The following FCRL1 variants were observed in gnomAD, a reference collection of about 807,000 sequenced individuals.
FCRL1 encodes Fc receptor like 1, also known as Fc receptor-like protein 1.
Under a neutral mutation model 49.2 loss-of-function variants are expected in FCRL1, and 34 were observed. That is an observed-to-expected ratio of 0.69 (90% CI 0.53 to 0.92). The LOEUF is 0.92. FCRL1 is among the 40% of genes least tolerant of loss of function. The pLI is 0.00. For missense variants in FCRL1, 524 were observed against 524.1 expected, an observed-to-expected ratio of 1.00 and a Z score of 0.00; for synonymous variants, 218 against 201.6, an observed-to-expected ratio of 1.08 and a Z score of -0.69.
intron 1 of FCRL1, among the ~76,000 whole-genome samples, chr1:157,816,893 A>G (rs1253857528): frequency 6.6e-6 from 1 of 151,852 alleles, no homozygotes; most frequent in Non-Finnish European, 1.5e-5. Context: ...AATTAAGAAA[A>G]CAATCCCATT....
chr1:157,802,558 G>A lies in FCRL1; in HGVS notation c.426C>T (p.Asp142=), dbSNP rs752948168. ...CCCCTTTGTACCAAAGGAAGGTGAT[G>A]TCTCCTGTGCCCATAGCAACTGAGC... ...LICSVAMGTG[D]ITFLWYKGAV... Residue 142 remains aspartate, a synonymous_variant, in exon 4 of 11, where the codon GAC becomes GAT. Transcript: ENST00000368176. 39 of 1,614,076 alleles carry A rather than the reference G, an allele frequency of 2.4e-5. 1 individual carries two copies. The Admixed American group carries it at 6.3e-4, about 26-fold the overall frequency.
chr1:157,819,862 C>A (rs1291646655), intron 1 of FCRL1, 145 bp downstream of exon 1: 1 of 902,678 alleles, frequency 1.1e-6, no homozygotes, highest in Admixed American at 2.3e-5. Flanking sequence ...TTGCCTGACT[C>A]TGAGCCCTCC....
intron 6 of FCRL1, among the ~76,000 whole-genome samples, chr1:157,801,244 G>A (rs948415423): frequency 6.6e-6 from 1 of 152,196 alleles, no homozygotes; most frequent in South Asian, 2.1e-4. Flanking sequence ...AATATCACTC[G>A]AACCTCAACT....
Position 157,798,160 on chromosome 1 carries a change from C to T in FCRL1, c.1114+1G>A, listed in dbSNP as rs201462804. On this transcript the variant is annotated splice_donor_variant, in intron 8 of 10. Transcript: ENST00000368176. LOFTEE classifies it high-confidence loss of function. ...GGCCTGGGCCATTTGGGAAGGCTCA[C>T]CATTTTCATATATAGGCTGTAGCTG... 2 of 1,610,596 alleles carry T rather than the reference C, an allele frequency of 1.2e-6. No homozygotes were observed. Among genetic ancestry groups the T allele is most frequent in the Non-Finnish European group, 1.7e-6 (2 of 1,178,132 alleles).
chr1:157,796,994 G>T, intron 10 of FCRL1, 107 bp downstream of exon 10: 1 of 1,025,128 alleles, frequency 9.8e-7, no homozygotes, highest in South Asian at 1.3e-5. Context: ...GGAAGAGGTA[G>T]ACCATGGGAT....
intron 7 of FCRL1, among the ~76,000 whole-genome samples, chr1:157,798,814 C>A (rs1356967290): frequency 6.6e-6 from 1 of 152,142 alleles, no homozygotes; most frequent in African/African-American, 2.4e-5. Context: ...TCAGTATGTT[C>A]ATTCCTGTCT....
At chr1:157,807,081 A>C in intron 2 of FCRL1, 21 bp downstream of exon 2, 1 of 1,613,784 alleles carries the variant, frequency 6.2e-7, no homozygotes, top group Middle Eastern at 1.7e-4. Context: ...ACCTTGAAGA[A>C]GAAAAGGAAG....
At chr1:157,816,784 A>AATAGATAG (rs3033729) in intron 1 of FCRL1, among the ~76,000 whole-genome samples, 20,072 of 147,334 alleles carry the variant, frequency 0.14, 1,384 homozygotes, top group East Asian at 0.2. Context: ...GTTGCTGGAT[A>AATAGATAG]ATAGATAGAT....
rs1296446393 is a variant in FCRL1, at chr1:157,802,384, A to G, written c.600T>C (p.Thr200=). Residue 200 remains threonine (T), a synonymous_variant, in exon 4 of 11, where the codon ACT becomes ACC. Transcript: ENST00000368176. ...AAGGGTAGTGGAACTTACTTCTGAC[A>G]GTGATGCTCACCAGCCCACTGGGGC... ...GPSPSGLVSI[T]VRIPVSRPIL... The G allele has an allele frequency of 8.7e-6, 14 of 1,613,870 alleles. No individual in the cohort carries two copies. The highest frequency in any genetic ancestry group is 6.7e-5 in the African/African-American group (5 of 74,934).
rs1571368627 is a variant in FCRL1, at chr1:157,804,290, A to G, written c.53-179T>C. ...ATGGGCTTTCCTTTGCCATGAACTCACCCTGCTCACCCCTGGTACATCCTG... is the reference window on the plus strand; with the variant it reads ...ATGGGCTTTCCTTTGCCATGAACTCGCCCTGCTCACCCCTGGTACATCCTG... On this transcript the variant is annotated intron_variant, in intron 2 of 10. Transcript: ENST00000368176. The G allele has an allele frequency of 2.6e-5, 16 of 620,962 alleles. 2 individuals carry two copies. In the South Asian group the frequency reaches 3.3e-4, roughly 13 times the overall value. 38.5% of individuals were successfully genotyped at this position (620,962 alleles called of 1,614,324 possible).
At position 157,795,030 on chromosome 1, in the gene FCRL1, A is replaced by G. The variant is rs969832810; in HGVS notation, c.*1069T>C. The G allele has an allele frequency of 6.6e-6, 1 of 152,242 alleles. No individual in the cohort carries two copies. 9.4% of individuals were successfully genotyped at this position (152,242 alleles called of 1,614,324 possible). ...TGTAAAGTTTTTAACAATAGTTAACATTTGTGTTAACTTACAGGAAAGACT... is the reference window on the plus strand; with the variant it reads ...TGTAAAGTTTTTAACAATAGTTAACGTTTGTGTTAACTTACAGGAAAGACT... On this transcript the variant is annotated 3_prime_UTR_variant, in exon 11 of 11. Transcript: ENST00000368176.
At chr1:157,814,884 G>A (rs114156537) in intron 1 of FCRL1, among the ~76,000 whole-genome samples, 450 of 151,758 alleles carry the variant, frequency 3.0e-3, no homozygotes, top group African/African-American at 9.8e-3. Flanking sequence ...ATGATAAGGG[G>A]GTGAATTCAT....
At position 157,807,140 on chromosome 1, in the gene FCRL1, A is replaced by C; in HGVS notation, c.32-18T>G. On this transcript the variant is annotated intron_variant, in intron 1 of 10. Transcript: ENST00000368176. ...GAGTGGAGCTGGGAGAGAATTCAGC[A>C]GAGATCAGTACAGAGCAGCAAATCC... 1 of 1,613,708 alleles carries C rather than the reference A, an allele frequency of 6.2e-7. No individual in the cohort carries two copies. Among genetic ancestry groups the C allele is most frequent in the Non-Finnish European group, 8.5e-7 (1 of 1,179,790 alleles).
chr1:157,809,905 C>T (rs2101882905), intron 1 of FCRL1, among the ~76,000 whole-genome samples: 1 of 152,238 alleles, frequency 6.6e-6, no homozygotes, highest in South Asian at 2.1e-4. Flanking sequence ...GCTGGGGCAA[C>T]AGAGTAAGAC....
At chr1:157,808,982 G>C (rs915867081) in intron 1 of FCRL1, among the ~76,000 whole-genome samples, 5 of 152,144 alleles carry the variant, frequency 3.3e-5, no homozygotes, top group Non-Finnish European at 5.9e-5. Flanking sequence ...TAAGTTTTGT[G>C]GTGGTGGTAG....
intron 2 of FCRL1, 90 bp from the exon 3 acceptor site, chr1:157,804,201 C>G: frequency 2.0e-6 from 3 of 1,498,284 alleles, no homozygotes; most frequent in Non-Finnish European, 2.7e-6. Flanking sequence ...CAACAAGACT[C>G]AAAGAAACAG....
intron 1 of FCRL1, among the ~76,000 whole-genome samples, chr1:157,810,606 T>C (rs1300507538): frequency 1.3e-5 from 2 of 152,126 alleles, no homozygotes; most frequent in Non-Finnish European, 2.9e-5. Context: ...CGGGAAATTT[T>C]TGAAGGGATG....
At chr1:157,816,489 C>T (rs1457626341) in intron 1 of FCRL1, among the ~76,000 whole-genome samples, 1 of 151,934 alleles carries the variant, frequency 6.6e-6, no homozygotes, top group Non-Finnish European at 1.5e-5. Flanking sequence ...TAATATCATA[C>T]TGAATGGGGA....
At chr1:157,819,590 G>C (rs1655512989) in intron 1 of FCRL1, among the ~76,000 whole-genome samples, 1 of 152,128 alleles carries the variant, frequency 6.6e-6, no homozygotes, top group South Asian at 2.1e-4. Flanking sequence ...GAAAACAAAG[G>C]AGTGATGATA....
Sources: gnomAD v4.1 joint callset for allele counts (sites outside exome capture counted in the v4.1 genomes callset) on GRCh38, gnomAD v4.1.1 for gene constraint, MANE v1.5 for transcripts, NCBI Gene and HGNC (gene_info 2026-07-23, HGNC 2026-07-21) for gene names.